Variants in PHLDB1 observed in about 807,000 individuals in gnomAD.
PHLDB1 encodes pleckstrin homology like domain family B member 1, also known as pleckstrin homology-like domain family B member 1.
A neutral mutation model predicts 139.3 loss-of-function variants in PHLDB1; 65 were observed. The ratio of observed to expected loss-of-function variants is 0.47; its 90% CI spans 0.38 to 0.57. PHLDB1 has a LOEUF of 0.57. Ranked by LOEUF, PHLDB1 falls within the 20% of genes least tolerant of loss-of-function variation. The pLI is 0.00. For missense variants in PHLDB1, 1,624 were observed against 1,839.7 expected, an observed-to-expected ratio of 0.88 and a Z score of 2.14; for synonymous variants, 679 against 734.5, an observed-to-expected ratio of 0.92 and a Z score of 1.22.
chr11:118,645,749 A>G lies in PHLDB1; in HGVS notation c.3431A>G (p.Asp1144Gly), dbSNP rs782433337. 1.2e-6 allele frequency: 2 copies of G among 1,613,634 alleles called. No homozygotes were observed. Among genetic ancestry groups the G allele is most frequent in the Non-Finnish European group, 1.7e-6 (2 of 1,179,620 alleles). ...PDNMSSASGL[D>G]MGKIEEMEKM... ...TCTCTCCCCAGCGCGAGTGGTCTGG[A>G]CATGGGGAAGATCGAGGAGATGGAG... The change falls in exon 17 of 23, where the codon GAC (aspartate) becomes GGC (glycine). Residue 1144 changes from aspartate (D) to glycine (G), a missense_variant. Coordinates refer to ENST00000600882, the MANE Select transcript of PHLDB1 (RefSeq NM_001144758.3). This position sits in a 1 kb window ranked among gnomAD's most constrained non-coding sequence, Gnocchi z 5.1.
chr11:118,628,796 C>T (rs1944305881), intron 6 of PHLDB1, 146 bp downstream of exon 6: 2 of 663,744 alleles, frequency 3.0e-6, no homozygotes, highest in Non-Finnish European at 4.9e-6. Flanking sequence ...CTTTAGTGAT[C>T]AATATCTTAT....
rs1555124527 is a variant in PHLDB1 at position 118,644,124 on chromosome 11, C to G, written c.3071C>G (p.Ala1024Gly). ...GTGSLPRNLAATLQDIETKRQ... is the reference protein window; with the variant it reads ...GTGSLPRNLAGTLQDIETKRQ... The stretch of plus-strand genomic sequence containing the variant: ...GGCAGCCTTCCTCGCAACCTGGCAG[C>G]CACACTGCAGGACATCGAGACCAAG... Residue 1024 changes from alanine to glycine, a missense_variant, in exon 15 of 23, where the codon GCC becomes GGC. Transcript: ENST00000600882. 6.2e-7 allele frequency: 1 copy of G among 1,613,852 alleles called. No homozygotes were observed. The highest frequency in any genetic ancestry group is 8.5e-7 in the Non-Finnish European group (1 of 1,179,940).
chr11:118,617,574 TC>T (rs1941906181), intron 4 of PHLDB1, among the ~76,000 whole-genome samples: 1 of 151,772 alleles, frequency 6.6e-6, no homozygotes, highest in African/African-American at 2.4e-5. Context: ...CAAGCGATTC[TC>T]CTGCCTCAGC....
At position 118,613,455 on chromosome 11, in the gene PHLDB1, A is replaced by AT. The variant is rs1327859500; in HGVS notation, c.-21-357dup. On this transcript the variant is annotated intron_variant, in intron 1 of 22. Coordinates refer to ENST00000600882, the MANE Select transcript of PHLDB1 (RefSeq NM_001144758.3). ...CTTGCTGCTTCTCCCACTAAGGTAG[A>AT]TTTTCCCCACCCTGCTTAAGGCTCC... 3.0e-6 allele frequency: 3 copies of AT among 996,106 alleles called. No individual in the cohort carries two copies. In the African/African-American group the frequency reaches 5.2e-5, roughly 17 times the overall value. 61.7% of individuals were successfully genotyped at this position (996,106 alleles called of 1,614,324 possible).
Position 118,620,566 on chromosome 11 carries a change from ATC to A in PHLDB1, c.355+4357_355+4358del, listed in dbSNP as rs141210694. Among the ~76,000 whole-genome samples, 1,198 of 152,318 alleles carry A rather than the reference ATC, an allele frequency of 7.9e-3. 17 individuals are homozygous for A. Among genetic ancestry groups the A allele is most frequent in the African/African-American group, 0.027 (1,121 of 41,570 alleles). On this transcript the variant is annotated intron_variant, in intron 4 of 22. Transcript: ENST00000600882. The surrounding 1 kb of genome is among the most constrained non-coding windows in gnomAD (Gnocchi z 4.1). ...CAGCCTGACTTTGCGGGCTCCAGAT[ATC>A]TGTTTCCCAAGTAGGATGGGTACCT...
intron 10 of PHLDB1, among the ~76,000 whole-genome samples, chr11:118,638,384 T>A (rs1945990488): frequency 6.6e-6 from 1 of 152,240 alleles, no homozygotes; most frequent in Non-Finnish European, 1.5e-5. Flanking sequence ...TATTCCTTTT[T>A]AGAAAGTAAT....
In PHLDB1 at chr11:118,613,880, C is replaced by T. The variant is rs1555086208; in HGVS notation, c.44C>T (p.Thr15Ile). 1 of 1,608,950 alleles carries T rather than the reference C, an allele frequency of 6.2e-7. No individual in the cohort carries two copies. Among genetic ancestry groups the T allele is most frequent in the Non-Finnish European group, 8.5e-7 (1 of 1,175,668 alleles). The part of the protein sequence containing the change: ...NRNQIGPGCQ[T>I]QTMVQKGPLD... ...AACCAAATAGGCCCTGGATGCCAGA[C>T]CCAGACCATGGTGCAGGTGAGTGGG... The change falls in exon 2 of 23, where the codon ACC becomes ATC. Residue 15 changes from threonine (T) to isoleucine (I), a missense_variant. Thr to Ile is a moderately conservative substitution (Grantham distance 89, BLOSUM62 -1). Coordinates refer to ENST00000600882, the MANE Select transcript of PHLDB1 (RefSeq NM_001144758.3).
In PHLDB1 at chr11:118,656,710, G is replaced by A. The variant is rs186858573; in HGVS notation, c.4021G>A (p.Val1341Ile). ...CCCGAACCCAGCCCTCACCTTCTGC[G>A]TAAAGACCCATGACCGGCTGTACTA... is the stretch of plus-strand genomic sequence containing the variant. The part of the protein sequence containing the change: ...ESPNPALTFC[V>I]KTHDRLYYMV... Residue 1341 changes from valine (V) to isoleucine (I), a missense_variant, in exon 23 of 23, where the codon GTA becomes ATA. By Grantham distance (29) the Val-to-Ile change is conservative (BLOSUM62 3). Coordinates refer to ENST00000600882, the MANE Select transcript of PHLDB1 (RefSeq NM_001144758.3). The A allele has an allele frequency of 2.1e-5, 34 of 1,613,954 alleles. No homozygotes were observed. Among genetic ancestry groups the A allele is most frequent in the African/African-American group, 4.0e-5 (3 of 75,016 alleles).
At chr11:118,638,175 C>T (rs1344459514) in intron 10 of PHLDB1, 1 of 152,242 alleles carries the variant, frequency 6.6e-6, no homozygotes, top group East Asian at 1.9e-4. Flanking sequence ...TACAGCTACA[C>T]AGCTGAGTGT....
rs1229186491 is a variant in PHLDB1 at position 118,611,305 on chromosome 11, T to C, written c.-21-2511T>C. 6.6e-6 allele frequency among the ~76,000 whole-genome samples: 1 copy of C among 152,202 alleles called. No individual in the cohort carries two copies. Among genetic ancestry groups the C allele is most frequent in the Non-Finnish European group, 1.5e-5 (1 of 68,036 alleles). On this transcript the variant is annotated intron_variant, in intron 1 of 22. Coordinates refer to ENST00000600882, the MANE Select transcript of PHLDB1 (RefSeq NM_001144758.3). The surrounding 1 kb of genome is among the most constrained non-coding windows in gnomAD (Gnocchi z 4.7). Reference sequence around the variant, plus strand: ...ACCTCCCAATCTCTCCATCTTTTCTTATCTTCTCCCCACACCTCTCTCCTT... The same window carrying C: ...ACCTCCCAATCTCTCCATCTTTTCTCATCTTCTCCCCACACCTCTCTCCTT...
chr11:118,648,403 C>T (rs1358261325), intron 18 of PHLDB1, among the ~76,000 whole-genome samples: 1 of 151,508 alleles, frequency 6.6e-6, no homozygotes, highest in Non-Finnish European at 1.5e-5. Context: ...AGGGTCTGGA[C>T]AGGCATCCCA....
intron 9 of PHLDB1, chr11:118,633,468 C>T (rs1201140567): frequency 6.6e-6 from 1 of 152,246 alleles, no homozygotes; most frequent in Admixed American, 6.5e-5. Flanking sequence ...CTGGCAGCTT[C>T]CTGCACAGCA....
chr11:118,616,698 C>G (rs1266935115), intron 4 of PHLDB1, among the ~76,000 whole-genome samples: 1 of 152,166 alleles, frequency 6.6e-6, no homozygotes, highest in African/African-American at 2.4e-5. Flanking sequence ...ACTTTTGGGT[C>G]ACGAATATAA....
intron 20 of PHLDB1, chr11:118,655,269 T>C (rs1948878294): frequency 5.0e-6 from 1 of 200,638 alleles, no homozygotes. Flanking sequence ...TCATAAGGGT[T>C]TTACCAATTT....
chr11:118,643,907 C>T lies in PHLDB1; in HGVS notation c.2985C>T (p.Ser995=), dbSNP rs11216938. The change falls in exon 14 of 23, where the codon AGC becomes AGT. Residue 995 remains serine, a synonymous_variant. Coordinates refer to ENST00000600882, the MANE Select transcript of PHLDB1 (RefSeq NM_001144758.3). ...SGSSSSSSQL[S]VATLGRSPSP... ...CTTCCTCCTCCTCCTCCCAGCTCAG[C>T]GTGGCTACCCTGGGGCGTAGCCCCT... The T allele has an allele frequency of 0.23, 364,183 of 1,608,408 alleles. 42,696 individuals carry two copies. The highest frequency in any genetic ancestry group is 0.34 in the South Asian group (30,594 of 90,116).
chr11:118,650,340 A>G lies in PHLDB1; in HGVS notation c.3772-105A>G, dbSNP rs781960258. 5 of 994,916 alleles carry G rather than the reference A, an allele frequency of 5.0e-6. No individual in the cohort carries two copies. Among genetic ancestry groups the G allele is most frequent in the Non-Finnish European group, 8.1e-6 (5 of 617,702 alleles). The allele number at this position is 994,916 out of a possible 1,614,324, so 61.6% of individuals were successfully genotyped here. The stretch of plus-strand genomic sequence containing the variant: ...CAGGACCTGGTGTGCTGGCCTGAGG[A>G]GATGTTGGGGACAATCCCCCATGAA... On this transcript the variant is annotated intron_variant, in intron 19 of 22. Transcript: ENST00000600882. The surrounding 1 kb of genome is among the most constrained non-coding windows in gnomAD (Gnocchi z 4.7).
In PHLDB1 at chr11:118,610,433, G is replaced by A. The variant is rs1225759932; in HGVS notation, c.-22+2734G>A. The stretch of plus-strand genomic sequence containing the variant: ...GGATGTGCGCCTGGAGGGCGAAGGC[G>A]GCGGCCGAGAGGACCCCAGCTCGGC... On this transcript the variant is annotated intron_variant, in intron 1 of 22. Coordinates refer to ENST00000600882, the MANE Select transcript of PHLDB1 (RefSeq NM_001144758.3). This position sits in a 1 kb window ranked among gnomAD's most constrained non-coding sequence, Gnocchi z 8.7. 3 of 985,268 alleles carry A rather than the reference G, an allele frequency of 3.0e-6. No homozygotes were observed. In the East Asian group the frequency reaches 3.4e-4, roughly 112 times the overall value. 61.0% of individuals were successfully genotyped at this position (985,268 alleles called of 1,614,324 possible).
chr11:118,632,066 G>A lies in PHLDB1; in HGVS notation c.2241+13G>A. The A allele has an allele frequency of 6.2e-7, 1 of 1,613,840 alleles. No individual in the cohort carries two copies. Among genetic ancestry groups the A allele is most frequent in the Non-Finnish European group, 8.5e-7 (1 of 1,179,838 alleles). ...GTCAGCCCGAGAGGTGAGCCGTGAA[G>A]TCCCTAGCTGGACTCTTCCCTAGGC... is the stretch of plus-strand genomic sequence containing the variant. On this transcript the variant is annotated intron_variant, in intron 8 of 22. Coordinates refer to ENST00000600882, the MANE Select transcript of PHLDB1 (RefSeq NM_001144758.3). The surrounding 1 kb of genome is among the most constrained non-coding windows in gnomAD (Gnocchi z 5.9).
At chr11:118,623,553 G>C (rs1053532060) in intron 4 of PHLDB1, among the ~76,000 whole-genome samples, 4 of 152,232 alleles carry the variant, frequency 2.6e-5, no homozygotes. Flanking sequence ...GCCTAGTCTT[G>C]GCCTGATGCC....
Sources: allele counts gnomAD v4.1 joint callset (sites outside exome capture counted in the v4.1 genomes callset), GRCh38; gene constraint gnomAD v4.1.1; non-coding constraint Gnocchi (gnomAD v3.1); transcripts MANE v1.5; gene names NCBI Gene and HGNC (gene_info 2026-07-23, HGNC 2026-07-21).